Variants in EEFSEC observed in about 807,000 individuals in gnomAD.
The protein encoded by EEFSEC is eukaryotic elongation factor, selenocysteine-tRNA specific, also known as selenocysteine-specific elongation factor.
Under a neutral mutation model 42.1 loss-of-function variants are expected in EEFSEC, and 43 were observed. The observed-to-expected ratio is 1.02, with a 90% CI of 0.80 to 1.32. The LOEUF (loss-of-function observed/expected upper bound fraction) is 1.32, where lower values mean the gene tolerates loss of function less well. EEFSEC is among the 40% of genes most tolerant of loss of function. The pLI is 0.00. For synonymous variants in EEFSEC, 354 were observed against 339.1 expected (o/e 1.04, Z -0.48); for missense variants, 745 against 803.6 (o/e 0.93, Z 0.88).
downstream of EEFSEC, among the ~76,000 whole-genome samples, chr3:128,412,887 G>A (rs1025496409): frequency 2.6e-5 from 4 of 152,124 alleles, no homozygotes; most frequent in Admixed American, 6.5e-5. Context: ...TGATGGGGGC[G>A]CTATGAACAA....
intron 4 of EEFSEC, among the ~76,000 whole-genome samples, chr3:128,316,985 C>G (rs1429977230): frequency 6.6e-6 from 1 of 152,194 alleles, no homozygotes; most frequent in Non-Finnish European, 1.5e-5. Context: ...TTAGTTCAGC[C>G]ACGATGCCTC....
At chr3:128,315,463 G>C (rs1350248902) in intron 4 of EEFSEC, among the ~76,000 whole-genome samples, 1 of 152,166 alleles carries the variant, frequency 6.6e-6, no homozygotes, top group Non-Finnish European at 1.5e-5. Context: ...AGAGAGTAAG[G>C]CCCTTGCTCA....
At position 128,404,852 on chromosome 3, in the gene EEFSEC, C is replaced by G. The variant is rs557500483; in HGVS notation, c.1601-3217C>G. The stretch of plus-strand genomic sequence containing the variant: ...GTGCAAGGGCCTGGCTTCTGGAGCC[C>G]CGTTCATATCAGCTGCATGTCCTCA... On this transcript the variant is annotated intron_variant, in intron 6 of 6. Transcript: ENST00000254730. Among the ~76,000 whole-genome samples the G allele has an allele frequency of 4.7e-3, 717 of 152,246 alleles. 2 individuals carry two copies. Among genetic ancestry groups the G allele is most frequent in the Non-Finnish European group, 8.7e-3 (590 of 68,006 alleles).
intron 4 of EEFSEC, among the ~76,000 whole-genome samples, chr3:128,327,610 G>A (rs546731252): frequency 2.6e-5 from 4 of 152,310 alleles, no homozygotes; most frequent in East Asian, 1.9e-4. Flanking sequence ...TGAAGAATGA[G>A]TGCTGGGAAA....
In EEFSEC at chr3:128,164,002, C is replaced by T. The variant is rs529535324; in HGVS notation, c.316+10179C>T. ...CTTGTGGTAAAGTATAAATAATGTACAATTTGCCATCTTAGCCATCTTAAG... is the reference window on the plus strand; with the variant it reads ...CTTGTGGTAAAGTATAAATAATGTATAATTTGCCATCTTAGCCATCTTAAG... On this transcript the variant is annotated intron_variant, in intron 1 of 6. Coordinates refer to ENST00000254730, the MANE Select transcript of EEFSEC (RefSeq NM_021937.5). Among the ~76,000 whole-genome samples, 4 of 151,258 alleles carry T rather than the reference C, an allele frequency of 2.6e-5. No homozygotes were observed. The South Asian group carries it at 8.4e-4, about 32-fold the overall frequency.
chr3:128,290,569 CTTT>C (rs1266674662), intron 4 of EEFSEC, among the ~76,000 whole-genome samples: 1 of 140,960 alleles, frequency 7.1e-6, no homozygotes. Context: ...TCCAAGTCAA[CTTT>C]TTTTTTTTTT....
At chr3:128,218,595 TG>T (rs1271244992) in intron 1 of EEFSEC, among the ~76,000 whole-genome samples, 1 of 152,210 alleles carries the variant, frequency 6.6e-6, no homozygotes, top group Non-Finnish European at 1.5e-5. Context: ...GGCTTGGGTT[TG>T]GGGTTTGAAG....
intron 4 of EEFSEC, among the ~76,000 whole-genome samples, chr3:128,322,411 A>T (rs2108040454): frequency 6.6e-6 from 1 of 152,362 alleles, no homozygotes; most frequent in East Asian, 1.9e-4. Context: ...CGACATCATC[A>T]TCACGGTCAT....
intron 4 of EEFSEC, among the ~76,000 whole-genome samples, chr3:128,282,654 G>A (rs1354929903): frequency 1.3e-5 from 2 of 152,152 alleles, no homozygotes; most frequent in African/African-American, 4.8e-5. Flanking sequence ...CCATTTCACC[G>A]GGGACTTGGT....
intron 4 of EEFSEC, among the ~76,000 whole-genome samples, chr3:128,297,352 C>A (rs1366980575): frequency 6.6e-6 from 1 of 152,076 alleles, no homozygotes; most frequent in Non-Finnish European, 1.5e-5. Context: ...CTACCAGTGC[C>A]CCTTTCTTTA....
intron 6 of EEFSEC, among the ~76,000 whole-genome samples, chr3:128,380,087 CCACAGAG>C (rs1257553626): frequency 1.3e-5 from 2 of 152,194 alleles, no homozygotes; most frequent in Non-Finnish European, 2.9e-5. Context: ...CAGGGCCTGA[CCACAGAG>C]CTCTGGCTGG....
intron 4 of EEFSEC, among the ~76,000 whole-genome samples, chr3:128,302,706 C>G (rs531586296): frequency 6.6e-6 from 1 of 152,138 alleles, no homozygotes; most frequent in Admixed American, 6.5e-5. Context: ...CTCTCCTCCT[C>G]TATCCCAAAC....
chr3:128,292,929 A>G (rs2066659702), intron 4 of EEFSEC, among the ~76,000 whole-genome samples: 2 of 152,196 alleles, frequency 1.3e-5, no homozygotes, highest in East Asian at 3.8e-4. Context: ...ATTTAGAACT[A>G]TAAATTTTCC....
intron 4 of EEFSEC, among the ~76,000 whole-genome samples, chr3:128,299,282 A>G (rs754321915): frequency 3.3e-5 from 5 of 152,068 alleles, no homozygotes; most frequent in Non-Finnish European, 7.4e-5. Flanking sequence ...TGAGGTGGTA[A>G]CTCATTGTCG....
At chr3:128,164,240 G>A (rs2065222916) in intron 1 of EEFSEC, among the ~76,000 whole-genome samples, 2 of 152,206 alleles carry the variant, frequency 1.3e-5, no homozygotes, top group African/African-American at 4.8e-5. Flanking sequence ...GGACGTGAGG[G>A]CAGATACACA....
chr3:128,165,608 G>GATT (rs1456507535), intron 1 of EEFSEC, among the ~76,000 whole-genome samples: 15 of 152,288 alleles, frequency 9.8e-5, no homozygotes, highest in East Asian at 7.7e-4. Flanking sequence ...GTGTTGTGAT[G>GATT]ATTCCTCTCT....
At chr3:128,171,649 A>G in intron 1 of EEFSEC, among the ~76,000 whole-genome samples, 1 of 152,164 alleles carries the variant, frequency 6.6e-6, no homozygotes, top group East Asian at 1.9e-4. Context: ...GGAGAAAAAA[A>G]GGAGATCTCC....
chr3:128,393,214 AT>A (rs1025694720), intron 6 of EEFSEC, among the ~76,000 whole-genome samples: 2 of 152,146 alleles, frequency 1.3e-5, no homozygotes, highest in African/African-American at 4.8e-5. Flanking sequence ...AGCAGGACCC[AT>A]TTCACAGACA....
intron 3 of EEFSEC, among the ~76,000 whole-genome samples, chr3:128,262,907 G>C (rs1363729991): frequency 1.3e-5 from 2 of 152,204 alleles, no homozygotes; most frequent in African/African-American, 2.4e-5. Flanking sequence ...CAGCCGGGTG[G>C]AGTAGCAACG....
Sources: allele counts gnomAD v4.1 joint callset (sites outside exome capture counted in the v4.1 genomes callset), GRCh38; gene constraint gnomAD v4.1.1; transcripts MANE v1.5; gene names NCBI Gene and HGNC (gene_info 2026-07-23, HGNC 2026-07-21).